Variants in SAR1A observed in about 807,000 individuals in gnomAD.
SAR1A encodes small COPII coat GTPase SAR1A.
A neutral mutation model predicts 22.6 loss-of-function variants in SAR1A; 6 were observed. The ratio of observed to expected loss-of-function variants is 0.27; its 90% CI spans 0.15 to 0.52. The LOEUF (loss-of-function observed/expected upper bound fraction) is 0.52. Among genes scored for constraint, SAR1A ranks in the 20% least tolerant of loss-of-function variants. The probability of loss-of-function intolerance (pLI) is 0.96; values close to 1 mark genes in which losing one functional copy is unlikely to be tolerated. For synonymous variants in SAR1A, 70 were observed against 82.2 expected, an observed-to-expected ratio of 0.85 and a Z score of 0.80; for missense variants, 145 against 245.1, an observed-to-expected ratio of 0.59 and a Z score of 2.73.
chr10:70,163,366 T>C (rs2136719028), intron 1 of SAR1A, among the ~76,000 whole-genome samples: 1 of 152,356 alleles, frequency 6.6e-6, no homozygotes, highest in East Asian at 1.9e-4. Context: ...AACAGCCTTC[T>C]ATTTGAAAAG....
chr10:70,155,210 T>C (rs1839371994), intron 5 of SAR1A: 1 of 456,430 alleles, frequency 2.2e-6, no homozygotes, highest in Non-Finnish European at 4.5e-6. Context: ...TCTGTGGTGT[T>C]CATGTAAGAG....
At chr10:70,162,022 C>T (rs1839473923) in intron 1 of SAR1A, 91 bp from the exon 2 acceptor site, 1 of 883,918 alleles carries the variant, frequency 1.1e-6, no homozygotes, top group African/African-American at 1.7e-5. Flanking sequence ...CCATGATGCA[C>T]ATTTATAGTC....
chr10:70,166,245 T>C (rs994711231), intron 1 of SAR1A, among the ~76,000 whole-genome samples: 1 of 152,218 alleles, frequency 6.6e-6, no homozygotes, highest in Admixed American at 6.5e-5. Context: ...ATCCGAGGTA[T>C]GCCTACACTT....
In SAR1A at chr10:70,152,196, G is replaced by A. The variant is rs908513401; in HGVS notation, c.*280C>T. ...TGGTGAGACGTGTTTTTCTTTTCAG[G>A]TGCCCCATGATGGCATACAGCTTTA... is the stretch of plus-strand genomic sequence containing the variant. On this transcript the variant is annotated 3_prime_UTR_variant, in exon 7 of 7. Coordinates refer to ENST00000373241, the MANE Select transcript of SAR1A (RefSeq NM_020150.5). 1.4e-4 allele frequency: 66 copies of A among 469,866 alleles called. No individual in the cohort carries two copies. Among genetic ancestry groups the A allele is most frequent in the African/African-American group, 2.0e-5 (1 of 50,342 alleles). The allele number at this position is 469,866 out of a possible 1,614,324, so 29.1% of individuals were successfully genotyped here.
In SAR1A at chr10:70,148,851, C is replaced by T. The variant is rs79307220; in HGVS notation, c.*3625G>A. 5,274 of 153,020 alleles carry T rather than the reference C, an allele frequency of 0.034. 114 individuals are homozygous for T. Among genetic ancestry groups the T allele is most frequent in the East Asian group, 0.058 (301 of 5,206 alleles). 9.5% of individuals were successfully genotyped at this position (153,020 alleles called of 1,614,324 possible). A position where few individuals can be genotyped will look rare whatever the true frequency, so the allele number is the denominator to read the frequency against. On this transcript the variant is annotated 3_prime_UTR_variant, in exon 7 of 7. Transcript: ENST00000373241. Reference sequence around the variant, plus strand: ...CTCGAGTCCAGTGATTCTCCCTCAACGCTCAAGACTCCAGCATGAACTGTT... The same window carrying T: ...CTCGAGTCCAGTGATTCTCCCTCAATGCTCAAGACTCCAGCATGAACTGTT...
At chr10:70,160,885 T>C (rs1248309720) in intron 4 of SAR1A, 119 bp downstream of exon 4, 11 of 650,828 alleles carry the variant, frequency 1.7e-5, no homozygotes, top group Admixed American at 8.2e-5. Context: ...AGTAATAAGA[T>C]CCTAATTCTA....
chr10:70,170,131 C>T (rs886514356), intron 1 of SAR1A, among the ~76,000 whole-genome samples: 1 of 152,128 alleles, frequency 6.6e-6, no homozygotes, highest in South Asian at 2.1e-4. Flanking sequence ...TAAACCGGAG[C>T]GCACGGTACA....
intron 1 of SAR1A, among the ~76,000 whole-genome samples, chr10:70,170,128 G>C (rs1306473226): frequency 3.9e-5 from 6 of 152,118 alleles, no homozygotes; most frequent in Non-Finnish European, 8.8e-5. Context: ...TCGTAAACCG[G>C]AGCGCACGGT....
Position 70,152,420 on chromosome 10 carries a change from C to T in SAR1A, c.*56G>A, listed in dbSNP as rs1480915749. ...TCTATTAGAAAAGTTCATGAGGAAGCTGTGAATAGGATCAGTCCAGAGAAG... is the reference window on the plus strand; with the variant it reads ...TCTATTAGAAAAGTTCATGAGGAAGTTGTGAATAGGATCAGTCCAGAGAAG... On this transcript the variant is annotated 3_prime_UTR_variant, in exon 7 of 7. Coordinates refer to ENST00000373241, the MANE Select transcript of SAR1A (RefSeq NM_020150.5). 1 of 1,314,590 alleles carries T rather than the reference C, an allele frequency of 7.6e-7. No individual in the cohort carries two copies. Among genetic ancestry groups the T allele is most frequent in the African/African-American group, 1.5e-5 (1 of 68,884 alleles). 81.4% of individuals were successfully genotyped at this position (1,314,590 alleles called of 1,614,324 possible).
chr10:70,159,721 C>A (rs1387069970), intron 4 of SAR1A, among the ~76,000 whole-genome samples: 1 of 152,188 alleles, frequency 6.6e-6, no homozygotes, highest in Non-Finnish European at 1.5e-5. Flanking sequence ...GTAAGTAAAT[C>A]TGACAGAATC....
At position 70,150,401 on chromosome 10, in the gene SAR1A, T is replaced by C. The variant is rs752979240; in HGVS notation, c.*2075A>G. 1 of 152,240 alleles carries C rather than the reference T, an allele frequency of 6.6e-6. No homozygotes were observed. Among genetic ancestry groups the C allele is most frequent in the Non-Finnish European group, 1.5e-5 (1 of 68,048 alleles). 9.4% of individuals were successfully genotyped at this position (152,240 alleles called of 1,614,324 possible). ...TCCTCACAGCAGCTTCTTTCAGCTA[T>C]CTTATAGGAATAGTGTTCCGTGGGG... On this transcript the variant is annotated 3_prime_UTR_variant, in exon 7 of 7. Coordinates refer to ENST00000373241, the MANE Select transcript of SAR1A (RefSeq NM_020150.5).
chr10:70,157,982 A>C, intron 4 of SAR1A, 115 bp from the exon 5 acceptor site: 1 of 669,206 alleles, frequency 1.5e-6, no homozygotes, highest in Non-Finnish European at 2.6e-6. Context: ...ATTAGACTCT[A>C]TGGATTTCTC....
At chr10:70,169,953 G>A (rs2136726893) in intron 1 of SAR1A, among the ~76,000 whole-genome samples, 1 of 152,316 alleles carries the variant, frequency 6.6e-6, no homozygotes, top group African/African-American at 2.4e-5. Context: ...GGTAAGCCCT[G>A]GACTAGGGGC....
intron 1 of SAR1A, among the ~76,000 whole-genome samples, chr10:70,165,945 C>T (rs1241245535): frequency 6.6e-6 from 1 of 152,232 alleles, no homozygotes; most frequent in African/African-American, 2.4e-5. Flanking sequence ...TAGCAATCAT[C>T]AACCTGATCA....
intron 1 of SAR1A, among the ~76,000 whole-genome samples, chr10:70,169,148 G>C (rs1210413494): frequency 6.6e-6 from 1 of 152,078 alleles, no homozygotes; most frequent in East Asian, 1.9e-4. Flanking sequence ...AGTCCTTTAA[G>C]ACGGCTCAGT....
Position 70,157,758 on chromosome 10 carries a change from A to T in SAR1A, c.348+6T>A, listed in dbSNP as rs1839412484. On this transcript the variant is annotated splice_donor_region_variant and intron_variant, in intron 5 of 6. Transcript: ENST00000373241. ...ATTAAAATACACATTAAAGGACAAA[A>T]CATACATTAAGCTCAACTTTGGATT... The T allele has an allele frequency of 6.2e-7, 1 of 1,604,750 alleles. No homozygotes were observed. The highest frequency in any genetic ancestry group is 1.3e-5 in the African/African-American group (1 of 74,802).
intron 1 of SAR1A, among the ~76,000 whole-genome samples, chr10:70,166,139 C>T (rs1050096983): frequency 2.6e-5 from 4 of 152,198 alleles, no homozygotes; most frequent in Non-Finnish European, 5.9e-5. Context: ...ATAGTGTAAA[C>T]GTAACTTTTA....
At chr10:70,170,020 A>G (rs879712514) in intron 1 of SAR1A, among the ~76,000 whole-genome samples, 1 of 152,060 alleles carries the variant, frequency 6.6e-6, no homozygotes, top group Non-Finnish European at 1.5e-5. Context: ...GGCCAGCCTC[A>G]GTCTCCGAGT....
At chr10:70,168,653 A>G (rs573986698) in intron 1 of SAR1A, among the ~76,000 whole-genome samples, 1 of 152,296 alleles carries the variant, frequency 6.6e-6, no homozygotes, top group East Asian at 1.9e-4. Flanking sequence ...CAAGTCTGTA[A>G]AGTATTGACT....
Sources: gnomAD v4.1 joint callset for allele counts (sites outside exome capture counted in the v4.1 genomes callset) on GRCh38, gnomAD v4.1.1 for gene constraint, MANE v1.5 for transcripts, NCBI Gene and HGNC (gene_info 2026-07-23, HGNC 2026-07-21) for gene names.